Variants in CCDC33 observed in about 807,000 individuals in gnomAD.
CCDC33 encodes coiled-coil domain containing 33.
In CCDC33, 94 loss-of-function variants were observed where a neutral mutation model predicts 91.9. That is an observed-to-expected ratio of 1.02 (90% CI 0.87 to 1.21). The LOEUF is 1.21. Among genes scored for constraint, CCDC33 ranks in the 50% most tolerant of loss-of-function variants. The pLI, the probability that CCDC33 is intolerant of heterozygous loss-of-function variation, is 0.00. For synonymous variants in CCDC33, 396 were observed against 374.5 expected, an observed-to-expected ratio of 1.06 and a Z score of -0.66; for missense variants, 940 against 935.5, an observed-to-expected ratio of 1.00 and a Z score of -0.06.
intron 2 of CCDC33, among the ~76,000 whole-genome samples, chr15:74,223,756 ACACACACACGCAAGCATG>A: frequency 9.5e-6 from 1 of 104,724 alleles, no homozygotes; most frequent in East Asian, 3.8e-4. Context: ...ACACACACAC[ACACACACACGCAAGCATG>A]CACACACACA....
intron 11 of CCDC33, among the ~76,000 whole-genome samples, chr15:74,306,815 G>T (rs1283457539): frequency 1.3e-5 from 2 of 152,112 alleles, no homozygotes; most frequent in African/African-American, 2.4e-5. Context: ...CCGGGCAGAG[G>T]CCACCCAGAG....
rs139055422 is a variant in CCDC33, at chr15:74,226,037, C to T, written c.675+7176C>T. Among the ~76,000 whole-genome samples, 29 of 152,350 alleles carry T rather than the reference C, an allele frequency of 1.9e-4. No individual in the cohort carries two copies. The East Asian group carries it at 4.4e-3, about 23-fold the overall frequency. Reference sequence around the variant, plus strand: ...CTGCCCTGGGCTCCAAAGGTCCAACCTCCCTCAGCCTGAGGTGATGATCAT... The same window carrying T: ...CTGCCCTGGGCTCCAAAGGTCCAACTTCCCTCAGCCTGAGGTGATGATCAT... On this transcript the variant is annotated intron_variant, in intron 2 of 2. Transcript: ENST00000635913.
chr15:74,332,785 G>A lies in CCDC33; in HGVS notation c.1878G>A (p.Thr626=), dbSNP rs780711984. 3.2e-5 allele frequency: 52 copies of A among 1,614,084 alleles called. No homozygotes were observed. The highest frequency in any genetic ancestry group is 2.9e-4 in the South Asian group (26 of 91,094). Residue 626 remains threonine (T), a synonymous_variant, in exon 16 of 19, where the codon ACG becomes ACA. Coordinates refer to ENST00000398814, the MANE Select transcript of CCDC33 (RefSeq NM_025055.5). ...VLLAENAKLR[T]ELDKNRHQQA... is the part of the protein sequence containing the mutation. ...TGGCAGAAAACGCGAAGCTGCGGAC[G>A]GAGCTGGATAAGAACCGCCACCAGC...
rs1176988432 is a variant in CCDC33 at position 74,272,851 on chromosome 15, A to T, written c.719A>T (p.Asn240Ile). Residue 240 changes from asparagine to isoleucine, a missense_variant, in exon 7 of 19, where the codon AAC (asparagine) becomes ATC (isoleucine). Transcript: ENST00000398814. ...TCCTTCCCTATCCCGTCCATGATGA[A>T]CTTTGACGTGCCTCGCGTCAGCCAG... ...PLSFPIPSMM[N>I]FDVPRVSQNG... 8.7e-6 allele frequency: 14 copies of T among 1,614,120 alleles called. No individual in the cohort carries two copies. The highest frequency in any genetic ancestry group is 1.2e-5 in the Non-Finnish European group (14 of 1,180,012).
At chr15:74,313,446 T>G (rs1596097420) in intron 11 of CCDC33, among the ~76,000 whole-genome samples, 1 of 123,562 alleles carries the variant, frequency 8.1e-6, no homozygotes. Context: ...TGAGACAGAG[T>G]CTCACTCTGT....
intron 1 of CCDC33, chr15:74,207,811 T>C (rs539077455): frequency 6.5e-7 from 1 of 1,535,316 alleles, no homozygotes. Context: ...CACACACACA[T>C]CCAACTGCCC....
At chr15:74,323,613 C>T (rs1311058764) in intron 11 of CCDC33, among the ~76,000 whole-genome samples, 4 of 152,098 alleles carry the variant, frequency 2.6e-5, no homozygotes, top group Non-Finnish European at 4.4e-5. Flanking sequence ...CTGCAACCTC[C>T]GCCTCCCGGG....
intron 2 of CCDC33, among the ~76,000 whole-genome samples, chr15:74,222,758 G>A (rs1001914045): frequency 2.0e-5 from 3 of 151,080 alleles, no homozygotes; most frequent in Admixed American, 6.6e-5. Context: ...CTTTCCTAGC[G>A]TCCCCTCGGC....
chr15:74,209,055 C>G lies in CCDC33; in HGVS notation n.90-333C>G, dbSNP rs7178412. 1.6e-4 allele frequency: 198 copies of G among 1,200,304 alleles called. No individual in the cohort carries two copies. The Middle Eastern group carries it at 3.0e-3, about 18-fold the overall frequency. The allele number at this position is 1,200,304 out of a possible 1,614,324, so 74.4% of individuals were successfully genotyped here. ...TGCTCCTCCCGGAAGGCAGCTCCCC[C>G]CTTCTCCAGTCTGGCTCTGCCCCTC... On this transcript the variant is annotated intron_variant and non_coding_transcript_variant, in intron 1 of 3. Coordinates refer to the CCDC33 transcript ENST00000558645.
In CCDC33 at chr15:74,280,655, C is replaced by A; in HGVS notation, c.890-13C>A. The A allele has an allele frequency of 1.4e-6, 2 of 1,452,344 alleles. No individual in the cohort carries two copies. Among genetic ancestry groups the A allele is most frequent in the Non-Finnish European group, 9.1e-7 (1 of 1,096,854 alleles). 90.0% of individuals were successfully genotyped at this position (1,452,344 alleles called of 1,614,324 possible). ...GGCTTTGGCAGGAGCCCTAGTTGATCCTTCCCCCACAGTGAAAGGCAGCCA... is the reference window on the plus strand; with the variant it reads ...GGCTTTGGCAGGAGCCCTAGTTGATACTTCCCCCACAGTGAAAGGCAGCCA... On this transcript the variant is annotated splice_polypyrimidine_tract_variant and intron_variant, in intron 8 of 18. Transcript: ENST00000398814.
At position 74,295,940 on chromosome 15, in the gene CCDC33, C is replaced by A; in HGVS notation, c.1282C>A (p.His428Asn). 1.9e-6 allele frequency: 3 copies of A among 1,611,584 alleles called. No individual in the cohort carries two copies. The highest frequency in any genetic ancestry group is 2.5e-6 in the Non-Finnish European group (3 of 1,178,880). ...GGAACCTCTGGTGCCTGAGATGTCC[C>A]ATGACACAGTGAGTGTCTCTCCCCA... ...EEEPLVPEMS[H>N]DTEMNNYRRA... Residue 428 changes from histidine (H) to asparagine (N), a missense_variant, in exon 11 of 19, where the codon CAT (histidine) becomes AAT (asparagine). Transcript: ENST00000398814.
intron 10 of CCDC33, among the ~76,000 whole-genome samples, chr15:74,292,430 C>A (rs2059602290): frequency 6.6e-6 from 1 of 152,172 alleles, no homozygotes; most frequent in African/African-American, 2.4e-5. Context: ...GCTGTGGAGT[C>A]TGGAGAGGCA....
intron 10 of CCDC33, among the ~76,000 whole-genome samples, chr15:74,290,620 A>G (rs541590256): frequency 6.6e-6 from 1 of 152,302 alleles, no homozygotes; most frequent in Admixed American, 6.5e-5. Context: ...TTGGCAAAGC[A>G]AGGGTGCTTC....
intron 11 of CCDC33, among the ~76,000 whole-genome samples, chr15:74,298,427 G>A (rs7168153): frequency 4.8e-4 from 73 of 152,318 alleles, no homozygotes; most frequent in African/African-American, 1.6e-3. Flanking sequence ...AATAACATGG[G>A]TAGAGGGCCA....
At chr15:74,266,899 C>T in intron 4 of CCDC33, 112 bp downstream of exon 4, 1 of 745,358 alleles carries the variant, frequency 1.3e-6, no homozygotes, top group Non-Finnish European at 2.4e-6. Context: ...CACAGCATGA[C>T]AAGTCTAGGA....
rs1308752414 is a variant in CCDC33 at position 74,336,098 on chromosome 15, ACCGC to A, written c.*48_*51del. ...TCCCTGTGTGCTGGGGAGTCTCATCACCGCCCCCTAAAAATGACGTTATTAAATG... is the reference window on the plus strand; with the variant it reads ...TCCCTGTGTGCTGGGGAGTCTCATCACCCCTAAAAATGACGTTATTAAATG... On this transcript the variant is annotated 3_prime_UTR_variant, in exon 19 of 19. Transcript: ENST00000398814. 6.3e-7 allele frequency: 1 copy of A among 1,596,830 alleles called. No homozygotes were observed. Among genetic ancestry groups the A allele is most frequent in the African/African-American group, 1.3e-5 (1 of 74,146 alleles).
intron 1 of CCDC33, among the ~76,000 whole-genome samples, chr15:74,240,429 A>T (rs1380501536): frequency 6.6e-6 from 1 of 152,142 alleles, no homozygotes; most frequent in Non-Finnish European, 1.5e-5. Context: ...AGGTGAATCC[A>T]TCTAGGAACA....
intron 10 of CCDC33, among the ~76,000 whole-genome samples, chr15:74,289,624 A>T (rs1229714967): frequency 2.0e-5 from 3 of 152,154 alleles, no homozygotes; most frequent in Admixed American, 6.5e-5. Flanking sequence ...TTGAGGCAGG[A>T]GGATTGCTTG....
At chr15:74,299,086 A>C (rs1413911847) in intron 11 of CCDC33, among the ~76,000 whole-genome samples, 1 of 152,330 alleles carries the variant, frequency 6.6e-6, no homozygotes, top group African/African-American at 2.4e-5. Flanking sequence ...CAGCCTGAGC[A>C]TGCTAGGCCG....
Sources: gnomAD v4.1 joint callset for allele counts (sites outside exome capture counted in the v4.1 genomes callset) on GRCh38, gnomAD v4.1.1 for gene constraint, MANE v1.5 for transcripts, NCBI Gene and HGNC (gene_info 2026-07-23, HGNC 2026-07-21) for gene names.